The following LUZP4 variants were observed in gnomAD, a reference collection of about 807,000 sequenced individuals.
The protein encoded by LUZP4 is leucine zipper protein 4.
LUZP4 carries 11 observed loss-of-function variants against 8.5 expected under a neutral mutation model. The observed-to-expected ratio is 1.30, with a 90% confidence interval of 0.82 to 2.14. The LOEUF (loss-of-function observed/expected upper bound fraction) is 2.14, where lower values mean the gene tolerates loss of function less well. Among genes scored for constraint, LUZP4 ranks in the 30% most tolerant of loss-of-function variants. The pLI, the probability that LUZP4 is intolerant of heterozygous loss-of-function variation, is 0.00. For missense variants in LUZP4, 276 were observed against 229.7 expected (o/e 1.20, Z -1.30); for synonymous variants, 104 against 79.4 (o/e 1.31, Z -1.65).
chrX:115,295,279 A>G (rs1429157651), intron 1 of LUZP4, among the ~76,000 whole-genome samples: 1 of 111,230 alleles, frequency 9.0e-6, no homozygotes, highest in Non-Finnish European at 1.9e-5. Context: ...GAGTTTCGCC[A>G]TGTTGCCCAG....
chrX:115,303,536 A>G (rs1313081473), intron 3 of LUZP4, 118 bp downstream of exon 3: 1 of 329,125 alleles, frequency 3.0e-6, no homozygotes, highest in Non-Finnish European at 5.4e-6. Context: ...GTATTCCTCC[A>G]TGGTGCCTTG....
intron 3 of LUZP4, among the ~76,000 whole-genome samples, chrX:115,305,824 A>G (rs1341300045): frequency 8.9e-6 from 1 of 111,962 alleles, no homozygotes; most frequent in Non-Finnish European, 1.9e-5. Flanking sequence ...GATTTTGAAC[A>G]CTTTCCTTTT....
intron 1 of LUZP4, among the ~76,000 whole-genome samples, chrX:115,299,964 C>T (rs782173911): frequency 1.0e-3 from 115 of 112,041 alleles, no homozygotes; most frequent in Non-Finnish European, 1.9e-3. Context: ...TTCTGGCCTA[C>T]GGTGTGTCTA....
chrX:115,293,932 T>C (rs1431047998), intron 1 of LUZP4, among the ~76,000 whole-genome samples: 1 of 107,599 alleles, frequency 9.3e-6, no homozygotes, highest in African/African-American at 3.4e-5. Flanking sequence ...GCCTGGGTGA[T>C]GGAACTAGAC....
At chrX:115,289,957 G>A in intron 1 of LUZP4, 107 bp downstream of exon 1, 1 of 521,398 alleles carries the variant, frequency 1.9e-6, no homozygotes, top group Non-Finnish European at 3.2e-6. Context: ...GAACACACCA[G>A]TTCGAGGAGA....
At chrX:115,290,198 C>G (rs1356837586) in intron 1 of LUZP4, among the ~76,000 whole-genome samples, 2 of 111,640 alleles carry the variant, frequency 1.8e-5, no homozygotes, top group African/African-American at 6.5e-5. Context: ...GAATTGATAC[C>G]TAACTACTGG....
At chrX:115,293,883 C>T (rs201187510) in intron 1 of LUZP4, among the ~76,000 whole-genome samples, 25 of 108,170 alleles carry the variant, frequency 2.3e-4, no homozygotes, top group African/African-American at 7.8e-4. Context: ...CCCGGGAGGC[C>T]GAGGTTGCAG....
chrX:115,293,462 A>G (rs782202836), intron 1 of LUZP4, among the ~76,000 whole-genome samples: 8 of 109,601 alleles, frequency 7.3e-5, no homozygotes, highest in African/African-American at 2.7e-4. Context: ...GTATTTTTGT[A>G]GAGACGGGTT....
Position 115,307,111 on chromosome X carries a change from C to A in LUZP4, c.*307C>A. On this transcript the variant is annotated 3_prime_UTR_variant, in exon 4 of 4. Coordinates refer to ENST00000371920, the MANE Select transcript of LUZP4 (RefSeq NM_016383.5). The stretch of plus-strand genomic sequence containing the variant: ...TATTTTGACTTAGTGTCCTGTCCCC[C>A]TTGGACGTTCCAACTTGACTTAGTG... The A allele has an allele frequency of 3.8e-6, 1 of 265,781 alleles. No individual in the cohort carries two copies. The highest frequency in any genetic ancestry group is 6.7e-6 in the Non-Finnish European group (1 of 148,774). The allele number at this position is 265,781 out of a possible 1,213,427, so 21.9% of individuals were successfully genotyped here.
intron 1 of LUZP4, among the ~76,000 whole-genome samples, chrX:115,298,176 C>T (rs1433973658): frequency 9.0e-6 from 1 of 111,155 alleles, no homozygotes; most frequent in African/African-American, 3.3e-5. Context: ...AAACGATTCT[C>T]CTGCCTCAGC....
chrX:115,300,920 G>GT (rs1345320457), intron 1 of LUZP4, among the ~76,000 whole-genome samples: 4 of 111,009 alleles, frequency 3.6e-5, no homozygotes, highest in African/African-American at 1.3e-4. Context: ...TTATGAAGGT[G>GT]TTTTTTTCTG....
In LUZP4 at chrX:115,306,691, CAGAG is replaced by C. The variant is rs782418295; in HGVS notation, c.833_836del (p.Arg278IlefsTer10). ...CACTCAGAGAGATCTCATAGTCACT[CAGAG>C]AGATCTCGTGGCCACTGAGAGAGAT... On this transcript the variant is annotated frameshift_variant, in exon 4 of 4. Transcript: ENST00000371920. LOFTEE classifies it low-confidence loss of function (END_TRUNC). 3.6e-5 allele frequency: 43 copies of C among 1,208,740 alleles called. No individual in the cohort carries two copies. The African/African-American group carries it at 4.8e-4, about 13-fold the overall frequency.
intron 1 of LUZP4, 137 bp from the exon 2 acceptor site, chrX:115,301,852 TTTA>T (rs1401433247): frequency 1.4e-4 from 46 of 334,284 alleles, no homozygotes; most frequent in Non-Finnish European, 1.5e-4. Flanking sequence ...GTTTAACAAA[TTTA>T]TTATTATTAT....
At position 115,307,081 on chromosome X, in the gene LUZP4, T is replaced by G; in HGVS notation, c.*277T>G. Reference sequence around the variant, plus strand: ...TTTCCTATTGGGCCTTCCCCACAATTAGAATATTTTGACTTAGTGTCCTGT... The same window carrying G: ...TTTCCTATTGGGCCTTCCCCACAATGAGAATATTTTGACTTAGTGTCCTGT... On this transcript the variant is annotated 3_prime_UTR_variant, in exon 4 of 4. Coordinates refer to ENST00000371920, the MANE Select transcript of LUZP4 (RefSeq NM_016383.5). 3.0e-6 allele frequency: 1 copy of G among 331,999 alleles called. No individual in the cohort carries two copies. Among genetic ancestry groups the G allele is most frequent in the Middle Eastern group, 8.8e-4 (1 of 1,130 alleles). 27.4% of individuals were successfully genotyped at this position (331,999 alleles called of 1,213,427 possible).
In LUZP4 at chrX:115,306,457, G is replaced by A. The variant is rs782360138; in HGVS notation, c.595G>A (p.Gly199Ser). Reference protein sequence around the residue: ...RSHGQYKRSHGQSERSHGHSE... With the variant: ...RSHGQYKRSHSQSERSHGHSE... Reference sequence around the variant, plus strand: ...TCATGGCCAATACAAGAGATCTCATGGTCAATCTGAGAGATCTCATGGCCA... The same window carrying A: ...TCATGGCCAATACAAGAGATCTCATAGTCAATCTGAGAGATCTCATGGCCA... Residue 199 changes from glycine (G) to serine (S), a missense_variant, in exon 4 of 4, where the codon GGT becomes AGT. Physicochemically the swap from Gly to Ser is moderately conservative, Grantham distance 56. Coordinates refer to ENST00000371920, the MANE Select transcript of LUZP4 (RefSeq NM_016383.5). 6 of 1,210,955 alleles carry A rather than the reference G, an allele frequency of 5.0e-6. No homozygotes were observed. Among genetic ancestry groups the A allele is most frequent in the Non-Finnish European group, 6.7e-6 (6 of 895,269 alleles).
At chrX:115,290,046 C>A (rs907828127) in intron 1 of LUZP4, among the ~76,000 whole-genome samples, 196 bp downstream of exon 1, 1 of 110,887 alleles carries the variant, frequency 9.0e-6, no homozygotes, top group Non-Finnish European at 1.9e-5. Flanking sequence ...CCCTCCTCTC[C>A]TCTTTTTCTC....
chrX:115,295,312 C>T (rs781844676), intron 1 of LUZP4, among the ~76,000 whole-genome samples: 1 of 111,807 alleles, frequency 8.9e-6, no homozygotes, highest in Non-Finnish European at 1.9e-5. Flanking sequence ...CTCGTGGGCT[C>T]GAGCGATCTT....
intron 2 of LUZP4, among the ~76,000 whole-genome samples, chrX:115,302,814 A>G (rs1402183370): frequency 1.8e-5 from 2 of 112,477 alleles, no homozygotes; most frequent in East Asian, 5.6e-4. Flanking sequence ...GAGCAGCCAA[A>G]AAGGGTAACG....
Position 115,306,921 on chromosome X carries a change from T to A in LUZP4, c.*117T>A, listed in dbSNP as rs2073426252. On this transcript the variant is annotated 3_prime_UTR_variant, in exon 4 of 4. Transcript: ENST00000371920. ...TGGGACAAAGACATAAATATTAGAA[T>A]GGAGGTAATACATACATAGTATCAA... 1 of 671,123 alleles carries A rather than the reference T, an allele frequency of 1.5e-6. No homozygotes were observed. The allele number at this position is 671,123 out of a possible 1,213,427, so 55.3% of individuals were successfully genotyped here. A position where few individuals can be genotyped will look rare whatever the true frequency, so the allele number is the denominator to read the frequency against.
Sources: allele counts gnomAD v4.1 joint callset (sites outside exome capture counted in the v4.1 genomes callset), GRCh38; gene constraint gnomAD v4.1.1; transcripts MANE v1.5; gene names NCBI Gene and HGNC (gene_info 2026-07-23, HGNC 2026-07-21).